The following IL5 variants were observed in gnomAD, a reference collection of about 807,000 sequenced individuals.
IL5 encodes the protein interleukin 5.
In IL5, 12 loss-of-function variants were observed where a neutral mutation model predicts 16.3. That is an observed-to-expected ratio of 0.74 (90% confidence interval 0.47 to 1.20). The LOEUF (loss-of-function observed/expected upper bound fraction) is 1.20. IL5 is among the 50% of genes most tolerant of loss of function. The pLI is 0.00. For synonymous variants in IL5, 54 were observed against 56.6 expected (o/e 0.95, Z 0.21); for missense variants, 159 against 153.9 (o/e 1.03, Z -0.17).
At position 132,555,638 on chromosome 5, in the gene IL5, C is replaced by G. The variant is rs192914563; in HGVS notation, c.42+1036G>C. ...TCATGCCATACTCCTGCCTCAGCCT[C>G]CTGAGTAGCTGGGACCATCGGCGCC... On this transcript the variant is annotated intron_variant, in intron 1 of 2. Coordinates refer to the IL5 transcript ENST00000450655. Among the ~76,000 whole-genome samples, 950 of 152,300 alleles carry G rather than the reference C, an allele frequency of 6.2e-3. 32 individuals are homozygous for G. Among genetic ancestry groups the G allele is most frequent in the Admixed American group, 0.05 (760 of 15,294 alleles).
In IL5 at chr5:132,542,075, A is replaced by C; in HGVS notation, c.246T>G (p.Gly82=). The stretch of plus-strand genomic sequence containing the variant: ...AGTTTTTGAATAGTCTTTCCACAGT[A>C]CCCCCTTGCACAGTTTGACTCTCCA... ...GTLESQTVQG[G]TVERLFKNLS... is the part of the protein sequence containing the mutation. Residue 82 remains glycine (G), a synonymous_variant, in exon 3 of 4, where the codon GGT becomes GGG. Transcript: ENST00000231454. The C allele has an allele frequency of 6.2e-7, 1 of 1,613,408 alleles. No homozygotes were observed. Among genetic ancestry groups the C allele is most frequent in the Non-Finnish European group, 8.5e-7 (1 of 1,179,476 alleles).
chr5:132,555,669 C>A (rs1749968587), intron 1 of IL5, among the ~76,000 whole-genome samples: 1 of 152,152 alleles, frequency 6.6e-6, no homozygotes, highest in South Asian at 2.1e-4. Context: ...GCGCCTGCCA[C>A]CATGCCCGGC....
chr5:132,555,069 G>C (rs1749950675), intron 1 of IL5, among the ~76,000 whole-genome samples: 1 of 152,074 alleles, frequency 6.6e-6, no homozygotes, highest in Non-Finnish European at 1.5e-5. Flanking sequence ...CTTTCTCATG[G>C]GCAGTTCAAA....
upstream of IL5, among the ~76,000 whole-genome samples, chr5:132,545,669 A>C (rs1184736739): frequency 6.6e-6 from 1 of 152,144 alleles, no homozygotes; most frequent in Non-Finnish European, 1.5e-5. Flanking sequence ...GATCTGTCTA[A>C]AGGTGGCAGG....
intron 1 of IL5, among the ~76,000 whole-genome samples, chr5:132,553,157 A>C (rs1268570761): frequency 6.6e-6 from 1 of 152,164 alleles, no homozygotes; most frequent in Non-Finnish European, 1.5e-5. Flanking sequence ...TTTTTTAATA[A>C]GTCTTTTAAA....
rs1301061112 is a variant in IL5 at position 132,541,541 on chromosome 5, A to G, written c.*270T>C. The stretch of plus-strand genomic sequence containing the variant: ...ACCATTTCATAAATACTATTAAGTT[A>G]ACAGACATTTTACAGAATGTTAAGT... On this transcript the variant is annotated 3_prime_UTR_variant, in exon 4 of 4. Transcript: ENST00000231454. 2.9e-6 allele frequency: 1 copy of G among 346,754 alleles called. No individual in the cohort carries two copies. The highest frequency in any genetic ancestry group is 5.2e-6 in the Non-Finnish European group (1 of 192,152). 21.5% of individuals were successfully genotyped at this position (346,754 alleles called of 1,614,324 possible).
upstream of IL5, among the ~76,000 whole-genome samples, chr5:132,548,056 G>A (rs1401516799): frequency 3.9e-5 from 6 of 152,088 alleles, no homozygotes; most frequent in Admixed American, 2.6e-4. Context: ...GTGACAGAGC[G>A]AGATTCCATT....
upstream of IL5, among the ~76,000 whole-genome samples, chr5:132,546,821 C>T (rs1218151705): frequency 2.0e-5 from 3 of 151,844 alleles, no homozygotes; most frequent in Non-Finnish European, 2.9e-5. Flanking sequence ...GTCAGGAGAT[C>T]GAGACCATCC....
rs1041302728 is a variant in IL5 at position 132,549,457 on chromosome 5, A to G, written c.43-6331T>C. 4.6e-5 allele frequency among the ~76,000 whole-genome samples: 7 copies of G among 152,234 alleles called. No individual in the cohort carries two copies. In the South Asian group the frequency reaches 1.4e-3, roughly 31 times the overall value. On this transcript the variant is annotated intron_variant, in intron 1 of 2. Coordinates refer to the IL5 transcript ENST00000450655. The stretch of plus-strand genomic sequence containing the variant: ...GAGAGCAAAGCTTTAAAGTTCAGCT[A>G]CAGAGACGGAGGCAATGTGAACTAC...
Position 132,541,887 on chromosome 5 carries a change from C to T in IL5, c.329G>A (p.Arg110Gln), listed in dbSNP as rs775344061. Residue 110 changes from arginine (R) to glutamine (Q), a missense_variant, in exon 4 of 4, where the codon CGG (arginine) becomes CAG (glutamine). Physicochemically the swap from Arg to Gln is conservative, Grantham distance 43. Coordinates refer to ENST00000231454, the MANE Select transcript of IL5 (RefSeq NM_000879.3). ...GQKKKCGEER[R>Q]RVNQFLDYLQ... is the part of the protein sequence containing the mutation. ...GTAGTCTAGGAATTGGTTTACTCTC[C>T]GTCTTTCTTCTCCACACTTTTTCTG... 9 of 1,613,746 alleles carry T rather than the reference C, an allele frequency of 5.6e-6. No individual in the cohort carries two copies. The highest frequency in any genetic ancestry group is 1.7e-4 in the Middle Eastern group (1 of 6,058).
intron 1 of IL5, among the ~76,000 whole-genome samples, chr5:132,553,451 T>G (rs1749916202): frequency 6.6e-6 from 1 of 152,262 alleles, no homozygotes; most frequent in Admixed American, 6.5e-5. Context: ...GCTAATTTCT[T>G]ATGCTACTTT....
In IL5 at chr5:132,549,880, G is replaced by T. The variant is rs78546665; in HGVS notation, c.43-6754C>A. 6.8e-3 allele frequency among the ~76,000 whole-genome samples: 1,035 copies of T among 152,052 alleles called. 71 individuals are homozygous for T. The East Asian group carries it at 0.16, about 23-fold the overall frequency. ...TATCCTTTCAATCTCCCTTTAATAT[G>T]ATTTTTTAATTGAATAAATAACATT... On this transcript the variant is annotated intron_variant, in intron 1 of 2. Transcript: ENST00000450655.
In IL5 at chr5:132,541,964, A is replaced by C. The variant is rs768329851; in HGVS notation, c.306+51T>G. On this transcript the variant is annotated intron_variant, in intron 3 of 3. Transcript: ENST00000231454. ...TTACAGGAAACTGTCAATTCCATAG[A>C]AATAGGCACAGCCAGACAAATATAG... 3.7e-6 allele frequency: 6 copies of C among 1,612,476 alleles called. No homozygotes were observed. In the African/African-American group the frequency reaches 8.0e-5, roughly 22 times the overall value.
At chr5:132,556,744 A>C in exon 1 of IL5, 1 of 1,218,290 alleles carries the variant, frequency 8.2e-7, no homozygotes, top group Non-Finnish European at 1.1e-6. Flanking sequence ...AAGCTTTGGG[A>C]AGCGCCATCC....
Position 132,556,525 on chromosome 5 carries a change from A to T in IL5, c.42+149T>A, listed in dbSNP as rs567723157. ...TACTCAATTAGAAATTAAAATTGGT[A>T]TTTCTAAGCGCAAGAATACACATGC... On this transcript the variant is annotated intron_variant, in intron 1 of 2. Coordinates refer to the IL5 transcript ENST00000450655. 6.0e-5 allele frequency: 15 copies of T among 248,772 alleles called. No individual in the cohort carries two copies. The South Asian group carries it at 1.4e-3, about 24-fold the overall frequency. 15.4% of individuals were successfully genotyped at this position (248,772 alleles called of 1,614,324 possible).
intron 2 of IL5, among the ~76,000 whole-genome samples, chr5:132,542,421 A>G (rs1749712731): frequency 6.6e-6 from 1 of 152,144 alleles, no homozygotes; most frequent in Non-Finnish European, 1.5e-5. Context: ...AAAATTTTCA[A>G]AAAGTAGATG....
At chr5:132,547,824 C>G (rs185978940), upstream of IL5, among the ~76,000 whole-genome samples, 12 of 152,248 alleles carry the variant, frequency 7.9e-5, no homozygotes, top group South Asian at 2.5e-3. Flanking sequence ...AACCCCAGCA[C>G]TTTGGGAGGC....
chr5:132,543,283 C>T (rs1285023133), intron 1 of IL5, 52 bp downstream of exon 1: 9 of 1,535,622 alleles, frequency 5.9e-6, no homozygotes, highest in South Asian at 2.3e-5. Context: ...GGAACCATCA[C>T]AAATGATTAC....
intron 1 of IL5, among the ~76,000 whole-genome samples, chr5:132,549,256 A>G (rs1438076260): frequency 1.3e-5 from 2 of 152,132 alleles, no homozygotes; most frequent in Non-Finnish European, 1.5e-5. Context: ...GGGTTTCACC[A>G]TCTTGGCCAG....
Sources: allele counts gnomAD v4.1 joint callset (sites outside exome capture counted in the v4.1 genomes callset), GRCh38; gene constraint gnomAD v4.1.1; transcripts MANE v1.5; gene names NCBI Gene and HGNC (gene_info 2026-07-23, HGNC 2026-07-21).